Variants in DACH1 observed in about 807,000 individuals in gnomAD.
DACH1 encodes dachshund homolog 1.
Under a neutral mutation model 54.2 loss-of-function variants are expected in DACH1, and 12 were observed. That is an observed-to-expected ratio of 0.22 (90% CI 0.14 to 0.36). DACH1 has a LOEUF of 0.36. Among genes scored for constraint, DACH1 ranks in the 10% least tolerant of loss-of-function variants. The pLI is 1.00. For missense variants in DACH1, 805 were observed against 929.8 expected (o/e 0.87, Z 1.75); for synonymous variants, 386 against 366.2 (o/e 1.05, Z -0.62).
chr13:71,783,972 A>AC (rs1475772661), intron 1 of DACH1, among the ~76,000 whole-genome samples: 1 of 150,640 alleles, frequency 6.6e-6, no homozygotes, highest in Non-Finnish European at 1.5e-5. Flanking sequence ...TTTAAAAAAA[A>AC]AAAAAAAACA....
intron 6 of DACH1, among the ~76,000 whole-genome samples, chr13:71,500,597 C>T (rs959628427): frequency 2.6e-5 from 4 of 152,104 alleles, no homozygotes; most frequent in Admixed American, 1.3e-4. Context: ...CTTCATTTTT[C>T]AGATGAAACA....
At chr13:71,777,555 T>A (rs890587872) in intron 1 of DACH1, among the ~76,000 whole-genome samples, 1 of 152,134 alleles carries the variant, frequency 6.6e-6, no homozygotes, top group Non-Finnish European at 1.5e-5. Context: ...ACAATCTATG[T>A]GATTTTATAT....
chr13:71,680,840 A>G (rs985502907), intron 2 of DACH1, among the ~76,000 whole-genome samples: 2 of 152,086 alleles, frequency 1.3e-5, no homozygotes, highest in Non-Finnish European at 2.9e-5. Flanking sequence ...AATAAGATTA[A>G]TCCATGATTA....
chr13:71,546,288 CAA>C (rs1883462028), intron 6 of DACH1, among the ~76,000 whole-genome samples: 1 of 151,792 alleles, frequency 6.6e-6, no homozygotes, highest in African/African-American at 2.4e-5. Flanking sequence ...TTACATTTTT[CAA>C]AAGAGGGATA....
rs149509288 is a variant in DACH1 at position 71,709,909 on chromosome 13, G to A, written c.849-27999C>T. 5.6e-3 allele frequency among the ~76,000 whole-genome samples: 857 copies of A among 152,198 alleles called. 4 individuals are homozygous for A. Among genetic ancestry groups the A allele is most frequent in the South Asian group, 0.021 (100 of 4,824 alleles). On this transcript the variant is annotated intron_variant, in intron 1 of 10. Coordinates refer to ENST00000613252, the MANE Select transcript of DACH1 (RefSeq NM_080759.6). ...GAGCAAAGTGCAGTGGTGGAGTGGC[G>A]TGATCACGGCTCACTACAGCCTCGA...
intron 2 of DACH1, among the ~76,000 whole-genome samples, chr13:71,657,009 TATATAC>T (rs2138640862): frequency 7.3e-6 from 1 of 136,584 alleles, no homozygotes; most frequent in Admixed American, 7.2e-5. Context: ...TGTGTATATA[TATATAC>T]ACACACACAC....
intron 1 of DACH1, among the ~76,000 whole-genome samples, chr13:71,722,938 G>T (rs1388115188): frequency 6.6e-6 from 1 of 152,110 alleles, no homozygotes; most frequent in African/African-American, 2.4e-5. Flanking sequence ...GCTAGGGTTA[G>T]AATATCTCTG....
At chr13:71,461,539 G>GA (rs1876076589) in intron 10 of DACH1, among the ~76,000 whole-genome samples, 1 of 151,926 alleles carries the variant, frequency 6.6e-6, no homozygotes, top group Admixed American at 6.6e-5. Context: ...TATGTATTTG[G>GA]AGTTCCTTTA....
chr13:71,598,556 C>T (rs941765969), intron 3 of DACH1, among the ~76,000 whole-genome samples: 2 of 152,048 alleles, frequency 1.3e-5, no homozygotes, highest in Admixed American at 6.6e-5. Context: ...CCCGGCCTGA[C>T]GCTTATTTTT....
intron 1 of DACH1, among the ~76,000 whole-genome samples, chr13:71,763,749 C>T (rs1179558042): frequency 1.3e-5 from 2 of 152,092 alleles, no homozygotes; most frequent in Non-Finnish European, 2.9e-5. Flanking sequence ...ACCTTTTAAT[C>T]GATCATTAAA....
intron 1 of DACH1, among the ~76,000 whole-genome samples, chr13:71,715,562 A>G (rs768533955): frequency 5.3e-5 from 8 of 151,990 alleles, no homozygotes; most frequent in Non-Finnish European, 1.0e-4. Flanking sequence ...GCCCTGCCTG[A>G]TTTCTCTGAG....
rs1049768587 is a variant in DACH1 at position 71,631,345 on chromosome 13, T to C, written c.965-628A>G. On this transcript the variant is annotated intron_variant, in intron 2 of 10. Coordinates refer to ENST00000613252, the MANE Select transcript of DACH1 (RefSeq NM_080759.6). ...CATGGCCCCCAGCTGCCTGGATGCC[T>C]GGTCTGTTCTTCTCCCCCTGACCCA... Among the ~76,000 whole-genome samples the C allele has an allele frequency of 2.0e-5, 3 of 152,288 alleles. No individual in the cohort carries two copies. The East Asian group carries it at 5.8e-4, about 29-fold the overall frequency.
At chr13:71,600,805 A>G (rs183157328) in intron 3 of DACH1, among the ~76,000 whole-genome samples, 1 of 152,226 alleles carries the variant, frequency 6.6e-6, no homozygotes, top group East Asian at 1.9e-4. Context: ...CTCAATCATC[A>G]AAAGGTAATT....
At chr13:71,450,426 T>C (rs1166483171) in intron 10 of DACH1, among the ~76,000 whole-genome samples, 3 of 152,146 alleles carry the variant, frequency 2.0e-5, no homozygotes, top group Non-Finnish European at 4.4e-5. Context: ...ACTTAATAAA[T>C]GTTGCGTGTG....
chr13:71,462,879 C>T (rs1450105306), intron 10 of DACH1, among the ~76,000 whole-genome samples: 1 of 25,358 alleles, frequency 3.9e-5, no homozygotes, highest in Non-Finnish European at 6.1e-4. Flanking sequence ...TCTACACACA[C>T]ACACACACAC....
intron 1 of DACH1, chr13:71,704,597 G>A: frequency 2.2e-6 from 1 of 462,456 alleles, no homozygotes; most frequent in Middle Eastern, 5.3e-4. Flanking sequence ...CACTTTATGA[G>A]AACCCATGGC....
chr13:71,521,346 T>A (rs1881585074), intron 6 of DACH1, among the ~76,000 whole-genome samples: 1 of 152,014 alleles, frequency 6.6e-6, no homozygotes, highest in African/African-American at 2.4e-5. Context: ...GGTTATGATT[T>A]TGTCATCTTA....
intron 1 of DACH1, among the ~76,000 whole-genome samples, chr13:71,722,867 G>T (rs80043581): frequency 0.02 from 3,035 of 152,094 alleles, 80 homozygotes; most frequent in African/African-American, 0.056. Flanking sequence ...GGAGCTGGGG[G>T]TGTAGCTAAA....
chr13:71,591,170 C>T (rs564415595), intron 3 of DACH1, among the ~76,000 whole-genome samples: 5 of 152,012 alleles, frequency 3.3e-5, no homozygotes, highest in Middle Eastern at 3.4e-3. Context: ...TGAGCTGTTG[C>T]GACCGGCCTC....
Sources: gnomAD v4.1 joint callset for allele counts (sites outside exome capture counted in the v4.1 genomes callset) on GRCh38, gnomAD v4.1.1 for gene constraint, MANE v1.5 for transcripts, NCBI Gene and HGNC (gene_info 2026-07-23, HGNC 2026-07-21) for gene names.